RBFOX1: variants seen among roughly 807,000 people sequenced by gnomAD.
RBFOX1 encodes the protein RNA binding protein fox-1 homolog 1.
In RBFOX1, 8 loss-of-function variants were observed where a neutral mutation model predicts 57.7. The observed-to-expected ratio is 0.14, with a 90% CI of 0.08 to 0.25. The LOEUF is 0.25. RBFOX1 is among the 10% of genes least tolerant of loss of function. The probability of loss-of-function intolerance (pLI) is 1.00; values close to 1 mark genes in which losing one functional copy is unlikely to be tolerated. For missense variants in RBFOX1, 611 were observed against 548.5 expected (o/e 1.11, Z -1.14); for synonymous variants, 326 against 222.4 (o/e 1.47, Z -4.15).
intron 3 of RBFOX1, among the ~76,000 whole-genome samples, chr16:7,001,197 C>T (rs2127070): frequency 2.0e-5 from 3 of 152,132 alleles, no homozygotes; most frequent in African/African-American, 4.8e-5. Flanking sequence ...AATGATCATT[C>T]TAAATGTCCA....
At chr16:7,498,434 C>T (rs2069435092) in intron 4 of RBFOX1, among the ~76,000 whole-genome samples, 2 of 134,890 alleles carry the variant, frequency 1.5e-5, no homozygotes, top group Admixed American at 1.5e-4. Flanking sequence ...AAATATGAAT[C>T]ACATATGTAG....
intron 4 of RBFOX1, among the ~76,000 whole-genome samples, chr16:7,065,814 C>T (rs146608985): frequency 6.6e-6 from 1 of 152,272 alleles, no homozygotes; most frequent in East Asian, 1.9e-4. Context: ...ATCCTCCAGC[C>T]TCCAAGCCTC....
intron 2 of RBFOX1, among the ~76,000 whole-genome samples, chr16:6,348,837 T>C (rs944894551): frequency 6.6e-6 from 1 of 152,030 alleles, no homozygotes; most frequent in East Asian, 1.9e-4. Context: ...GGATTACAAC[T>C]GAACGTGAGA....
chr16:7,469,499 A>C (rs751162474), intron 4 of RBFOX1, among the ~76,000 whole-genome samples: 25 of 152,120 alleles, frequency 1.6e-4, no homozygotes, highest in African/African-American at 6.0e-4. Flanking sequence ...CTCATCCTTC[A>C]TATCTCAGCT....
Position 7,047,657 on chromosome 16 carries a change from G to T in RBFOX1, c.-15-4400G>T, listed in dbSNP as rs144723045. Among the ~76,000 whole-genome samples the T allele has an allele frequency of 2.4e-3, 319 of 135,026 alleles. 1 individual carries two copies. Among genetic ancestry groups the T allele is most frequent in the African/African-American group, 8.3e-3 (305 of 36,946 alleles). 88.6% of individuals were successfully genotyped at this position (135,026 alleles called of 152,430 possible). On this transcript the variant is annotated intron_variant, in intron 3 of 15. Coordinates refer to ENST00000550418, the MANE Select transcript of RBFOX1 (RefSeq NM_018723.4). ...GTGAACTCTTTATCCTTATATTCTA[G>T]AATTTCAGTAACATGAAATATTGTA...
intron 3 of RBFOX1, among the ~76,000 whole-genome samples, chr16:6,824,399 T>C (rs944007840): frequency 6.6e-6 from 1 of 152,134 alleles, no homozygotes; most frequent in East Asian, 1.9e-4. Flanking sequence ...CAGAGCGAGA[T>C]TCCATGTCAA....
chr16:7,514,800 C>G (rs905549845), intron 4 of RBFOX1, among the ~76,000 whole-genome samples: 3 of 152,180 alleles, frequency 2.0e-5, no homozygotes, highest in Non-Finnish European at 4.4e-5. Flanking sequence ...AGCTCGAAGT[C>G]TACAAGGAGC....
At chr16:5,851,514 G>C (rs1018411514) in intron 3 of RBFOX1, among the ~76,000 whole-genome samples, 1 of 152,202 alleles carries the variant, frequency 6.6e-6, no homozygotes, top group Non-Finnish European at 1.5e-5. Context: ...GAAATGCTCA[G>C]GGGTCACTGG....
chr16:7,068,329 G>C lies in RBFOX1; in HGVS notation c.27+16231G>C, dbSNP rs372933883. ...GTGTATTCAAACACTGCAGACATTT[G>C]ATTTGTGTTCTGGGATGGTCCACCT... On this transcript the variant is annotated intron_variant, in intron 4 of 15. Transcript: ENST00000550418. 6.6e-5 allele frequency among the ~76,000 whole-genome samples: 10 copies of C among 152,194 alleles called. No homozygotes were observed. The East Asian group carries it at 1.2e-3, about 18-fold the overall frequency.
chr16:7,578,438 C>A lies in RBFOX1; in HGVS notation c.271-1339C>A, dbSNP rs111239293. Among the ~76,000 whole-genome samples the A allele has an allele frequency of 3.5e-3, 536 of 152,246 alleles. 4 individuals are homozygous for A. Among genetic ancestry groups the A allele is most frequent in the African/African-American group, 0.012 (511 of 41,554 alleles). On this transcript the variant is annotated intron_variant, in intron 5 of 15. Coordinates refer to ENST00000550418, the MANE Select transcript of RBFOX1 (RefSeq NM_018723.4). ...AACAAGATGTCTTTATTTCAAAATG[C>A]GATTCAGGGTGTGTTAGGAAGGAAA...
At chr16:6,488,488 G>A (rs183794679) in intron 2 of RBFOX1, among the ~76,000 whole-genome samples, 8 of 152,258 alleles carry the variant, frequency 5.3e-5, no homozygotes, top group Non-Finnish European at 7.4e-5. Flanking sequence ...TATTTTCTCT[G>A]TTCTTACAAC....
chr16:6,753,458 T>C (rs2075289127), intron 3 of RBFOX1, among the ~76,000 whole-genome samples: 1 of 152,172 alleles, frequency 6.6e-6, no homozygotes, highest in Non-Finnish European at 1.5e-5. Flanking sequence ...AGGACCGTAG[T>C]TGCAGGAAGA....
intron 1 of RBFOX1, among the ~76,000 whole-genome samples, chr16:6,081,470 G>C (rs770454688): frequency 6.6e-6 from 1 of 152,164 alleles, no homozygotes; most frequent in Non-Finnish European, 1.5e-5. Flanking sequence ...GATGAAGGTG[G>C]TTGGTTTTCT....
At chr16:6,662,580 AG>A (rs1345918754) in intron 3 of RBFOX1, among the ~76,000 whole-genome samples, 5 of 152,244 alleles carry the variant, frequency 3.3e-5, no homozygotes, top group African/African-American at 1.2e-4. Flanking sequence ...ATCACGTAGT[AG>A]GGAAGTTATT....
intron 5 of RBFOX1, among the ~76,000 whole-genome samples, chr16:7,526,137 A>G (rs1025899471): frequency 6.6e-6 from 1 of 152,166 alleles, no homozygotes; most frequent in Admixed American, 6.5e-5. Context: ...AGGGATCTAG[A>G]TTGTGTGCTC....
chr16:5,593,042 G>A (rs2047061467), intron 2 of RBFOX1, among the ~76,000 whole-genome samples: 1 of 152,054 alleles, frequency 6.6e-6, no homozygotes, highest in African/African-American at 2.4e-5. Context: ...CCAAATACAG[G>A]TCATAAAGAA....
chr16:6,281,682 G>A (rs760833800), intron 1 of RBFOX1, among the ~76,000 whole-genome samples: 5 of 152,148 alleles, frequency 3.3e-5, no homozygotes, highest in Non-Finnish European at 5.9e-5. Context: ...TTGTGCCGAC[G>A]TAATAACAAC....
chr16:6,662,011 T>C (rs1484837505), intron 3 of RBFOX1, among the ~76,000 whole-genome samples: 1 of 151,788 alleles, frequency 6.6e-6, no homozygotes, highest in Non-Finnish European at 1.5e-5. Context: ...GGACATTAGG[T>C]GAAGTGAAGT....
intron 11 of RBFOX1, among the ~76,000 whole-genome samples, chr16:7,636,938 C>G (rs1197076931): frequency 6.6e-6 from 1 of 152,104 alleles, no homozygotes; most frequent in Admixed American, 6.5e-5. Context: ...CTCATCTAAA[C>G]CTAATTACCT....
Sources: allele counts gnomAD v4.1 joint callset (sites outside exome capture counted in the v4.1 genomes callset), GRCh38; gene constraint gnomAD v4.1.1; transcripts MANE v1.5; gene names NCBI Gene and HGNC (gene_info 2026-07-23, HGNC 2026-07-21).